The following ZNF251 variants were observed in gnomAD, a reference collection of about 807,000 sequenced individuals.
The protein encoded by ZNF251 is zinc finger protein 251.
ZNF251 carries 14 observed loss-of-function variants against 13.5 expected under a neutral mutation model. The ratio of observed to expected loss-of-function variants is 1.04; its 90% CI spans 0.69 to 1.63. The LOEUF (loss-of-function observed/expected upper bound fraction) is 1.63, where lower values mean the gene tolerates loss of function less well. Ranked by LOEUF, ZNF251 falls within the 40% of genes most tolerant of loss-of-function variation. The probability of loss-of-function intolerance (pLI) is 0.00; values close to 1 mark genes in which losing one functional copy is unlikely to be tolerated. For synonymous variants in ZNF251, 287 were observed against 295.2 expected (o/e 0.97, Z 0.28); for missense variants, 764 against 834.9 (o/e 0.92, Z 1.05).
chr8:144,729,717 T>TG (rs2129948381), intron 4 of ZNF251, among the ~76,000 whole-genome samples: 1 of 152,018 alleles, frequency 6.6e-6, no homozygotes, highest in South Asian at 2.1e-4. Context: ...TCTCTTGGGA[T>TG]GGGCATGGTG....
chr8:144,755,032 T>C lies in ZNF251; in HGVS notation c.-75-229A>G, dbSNP rs546417657. ...CCGGCTAAGGGGTGAAAGCTGGCAG[T>C]TCCCGTGGTCCAGACCTGCTGAAGG... is the stretch of plus-strand genomic sequence containing the variant. On this transcript the variant is annotated intron_variant, in intron 1 of 4. Coordinates refer to ENST00000292562, the MANE Select transcript of ZNF251 (RefSeq NM_138367.2). The C allele has an allele frequency of 6.6e-5, 90 of 1,357,126 alleles. No individual in the cohort carries two copies. In the African/African-American group the frequency reaches 1.2e-3, roughly 18 times the overall value. The allele number at this position is 1,357,126 out of a possible 1,614,324, so 84.1% of individuals were successfully genotyped here. A position where few individuals can be genotyped will look rare whatever the true frequency, so the allele number is the denominator to read the frequency against.
intron 4 of ZNF251, among the ~76,000 whole-genome samples, chr8:144,735,316 G>A (rs1823846160): frequency 6.7e-6 from 1 of 150,054 alleles, no homozygotes; most frequent in South Asian, 2.1e-4. Flanking sequence ...GAACCCAGGA[G>A]GCAGAGGTTG....
chr8:144,738,362 C>T (rs944047834), intron 4 of ZNF251, among the ~76,000 whole-genome samples: 2 of 152,194 alleles, frequency 1.3e-5, no homozygotes, highest in African/African-American at 4.8e-5. Context: ...AACTGAGGGT[C>T]CCACACTGAG....
At position 144,721,957 on chromosome 8, in the gene ZNF251, C is replaced by T; in HGVS notation, c.1703G>A (p.Cys568Tyr). The T allele has an allele frequency of 2.0e-6, 3 of 1,524,902 alleles. No homozygotes were observed. The highest frequency in any genetic ancestry group is 2.6e-6 in the Non-Finnish European group (3 of 1,136,004). The allele number at this position is 1,524,902 out of a possible 1,614,324, so 94.5% of individuals were successfully genotyped here. A position where few individuals can be genotyped will look rare whatever the true frequency, so the allele number is the denominator to read the frequency against. ...ACTGAAAGCTTTTCCATATTCATTA[C>T]ATCCAAAGGATTTCTCACCAGTGTG... ...TVHTGEKSFG[C>Y]NEYGKAFSPT... Residue 568 changes from cysteine to tyrosine, a missense_variant, in exon 5 of 5, where the codon TGT becomes TAT. Coordinates refer to ENST00000292562, the MANE Select transcript of ZNF251 (RefSeq NM_138367.2).
intron 2 of ZNF251, 98 bp from the exon 3 acceptor site, chr8:144,754,419 T>G (rs1381069357): frequency 5.5e-6 from 8 of 1,463,424 alleles, no homozygotes; most frequent in Admixed American, 2.7e-5. Flanking sequence ...CCCAGGGCCC[T>G]GCTGTGGTCA....
intron 4 of ZNF251, among the ~76,000 whole-genome samples, chr8:144,724,412 C>T (rs1047911759): frequency 6.6e-6 from 1 of 152,050 alleles, no homozygotes; most frequent in South Asian, 2.1e-4. Flanking sequence ...TTCACAGCAG[C>T]CTTGACCTCT....
At chr8:144,742,348 G>C (rs1824201385) in intron 4 of ZNF251, among the ~76,000 whole-genome samples, 1 of 152,130 alleles carries the variant, frequency 6.6e-6, no homozygotes. Context: ...CAGATCATCA[G>C]AAAGGGATGA....
chr8:144,737,709 G>A (rs1449196780), intron 4 of ZNF251, among the ~76,000 whole-genome samples: 2 of 148,560 alleles, frequency 1.3e-5, no homozygotes, highest in Non-Finnish European at 3.0e-5. Context: ...GCAGGCGCCT[G>A]TAGTCCCAGC....
At position 144,755,328 on chromosome 8, in the gene ZNF251, G is replaced by GCCTCCCCGCGC. The variant is rs535471520; in HGVS notation, c.-76+66_-76+76dup. 2.7e-3 allele frequency: 3,459 copies of GCCTCCCCGCGC among 1,280,530 alleles called. 50 individuals are homozygous for GCCTCCCCGCGC. The highest frequency in any genetic ancestry group is 0.017 in the African/African-American group (1,096 of 64,696). The allele number at this position is 1,280,530 out of a possible 1,614,324, so 79.3% of individuals were successfully genotyped here. On this transcript the variant is annotated intron_variant, in intron 1 of 4. Transcript: ENST00000292562. ...ACAGGCTCCTCCTGGACTGGCCGCC[G>GCCTCCCCGCGC]CCTCCCCGCGCCCTCCCCGCGCCCT... is the stretch of plus-strand genomic sequence containing the variant.
intron 4 of ZNF251, among the ~76,000 whole-genome samples, chr8:144,732,861 C>T (rs1823762160): frequency 6.6e-6 from 1 of 150,406 alleles, no homozygotes; most frequent in Non-Finnish European, 1.5e-5. Context: ...CCTATCAGAC[C>T]TCAAAAAACA....
Position 144,754,273 on chromosome 8 carries a change from C to T in ZNF251, c.82G>A (p.Glu28Lys). The T allele has an allele frequency of 6.2e-7, 1 of 1,613,576 alleles. No individual in the cohort carries two copies. The highest frequency in any genetic ancestry group is 8.5e-7 in the Non-Finnish European group (1 of 1,179,770). ...QDVAVYFSQAEGRQLGPQQRA... is the reference protein window; with the variant it reads ...QDVAVYFSQAKGRQLGPQQRA... ...TGCTGGGGGCCCAGCTGCCGCCCCT[C>T]CGCCTGAGAGAAGTACACGGCCACA... Residue 28 changes from glutamate to lysine, a missense_variant, in exon 3 of 5, where the codon GAG (glutamate) becomes AAG (lysine). Glu to Lys is a moderately conservative substitution (Grantham distance 56). Coordinates refer to ENST00000292562, the MANE Select transcript of ZNF251 (RefSeq NM_138367.2).
chr8:144,754,683 A>T lies in ZNF251; in HGVS notation c.33+13T>A, dbSNP rs779289502. 1.2e-6 allele frequency: 2 copies of T among 1,605,398 alleles called. No individual in the cohort carries two copies. The highest frequency in any genetic ancestry group is 3.4e-5 in the Admixed American group (2 of 58,526). On this transcript the variant is annotated intron_variant, in intron 2 of 4. Transcript: ENST00000292562. ...GAAGATGAAGAGGTGGGCAGGAAGG[A>T]GGGTTAACTCACCTGGTGCCCTGGA...
intron 4 of ZNF251, among the ~76,000 whole-genome samples, chr8:144,738,356 G>A (rs973431972): frequency 4.6e-5 from 7 of 152,212 alleles, no homozygotes; most frequent in Non-Finnish European, 1.0e-4. Flanking sequence ...ATTAGAAACT[G>A]AGGGTCCCAC....
At chr8:144,749,542 C>A (rs1270295292) in intron 4 of ZNF251, among the ~76,000 whole-genome samples, 2 of 152,164 alleles carry the variant, frequency 1.3e-5, no homozygotes, top group Non-Finnish European at 2.9e-5. Context: ...TTAACATCTA[C>A]CACATTTGTT....
intron 4 of ZNF251, among the ~76,000 whole-genome samples, chr8:144,727,726 A>G (rs995630400): frequency 1.3e-5 from 2 of 152,216 alleles, no homozygotes; most frequent in Non-Finnish European, 2.9e-5. Flanking sequence ...AACTGTCTCC[A>G]TATCAGCAAT....
In ZNF251 at chr8:144,722,780, CA is replaced by C. The variant is rs771412651; in HGVS notation, c.879del (p.Phe293LeufsTer44). ...HRRIHTGEKP[F>X]GCGECGKAFS... is the part of the protein sequence containing the mutation. ...AAAGCCTTCCCACACTCACCACAGC[CA>C]AAGGGTTTTTCTCCAGTGTGAATTC... On this transcript the variant is annotated frameshift_variant, in exon 5 of 5. Coordinates refer to ENST00000292562, the MANE Select transcript of ZNF251 (RefSeq NM_138367.2). LOFTEE classifies it low-confidence loss of function (END_TRUNC). This position sits in a 1 kb window ranked among gnomAD's most constrained non-coding sequence, Gnocchi z 4.8. 1 of 1,614,062 alleles carries C rather than the reference CA, an allele frequency of 6.2e-7. No individual in the cohort carries two copies. The highest frequency in any genetic ancestry group is 8.5e-7 in the Non-Finnish European group (1 of 1,179,926).
chr8:144,721,248 G>A lies in ZNF251; in HGVS notation c.*396C>T, dbSNP rs915879880. The A allele has an allele frequency of 1.2e-5, 3 of 259,434 alleles. No homozygotes were observed. The highest frequency in any genetic ancestry group is 2.2e-5 in the Non-Finnish European group (3 of 138,608). 16.1% of individuals were successfully genotyped at this position (259,434 alleles called of 1,614,324 possible). The stretch of plus-strand genomic sequence containing the variant: ...CCAAGTTCTCTGTACCACACTTGGA[G>A]GCAGGTATATGGGACTGAAAGTGGA... On this transcript the variant is annotated 3_prime_UTR_variant, in exon 5 of 5. Coordinates refer to ENST00000292562, the MANE Select transcript of ZNF251 (RefSeq NM_138367.2).
chr8:144,732,734 C>T (rs1050219045), intron 4 of ZNF251, among the ~76,000 whole-genome samples: 17 of 150,508 alleles, frequency 1.1e-4, no homozygotes, highest in Admixed American at 2.0e-4. Context: ...ATGGCGTGAA[C>T]CCGGGAGGCG....
chr8:144,733,549 G>A (rs985737296), intron 4 of ZNF251, among the ~76,000 whole-genome samples: 2 of 152,188 alleles, frequency 1.3e-5, no homozygotes, highest in Non-Finnish European at 2.9e-5. Context: ...ACACACAGCT[G>A]CTTGACTGGA....
Sources: gnomAD v4.1 joint callset for allele counts (sites outside exome capture counted in the v4.1 genomes callset) on GRCh38, gnomAD v4.1.1 for gene constraint, Gnocchi (gnomAD v3.1) non-coding constraint, MANE v1.5 for transcripts, NCBI Gene and HGNC (gene_info 2026-07-23, HGNC 2026-07-21) for gene names.